NF1: variants seen among roughly 807,000 people sequenced by gnomAD.
The protein encoded by NF1 is neurofibromin 1.
In NF1, 122 loss-of-function variants were observed where a neutral mutation model predicts 325.7. That is an observed-to-expected ratio of 0.37 (90% CI 0.32 to 0.44). The LOEUF (loss-of-function observed/expected upper bound fraction) is 0.44. NF1 is among the 20% of genes least tolerant of loss of function. The probability of loss-of-function intolerance (pLI) is 1.00; values close to 1 mark genes in which losing one functional copy is unlikely to be tolerated. For missense variants in NF1, 2,140 were observed against 3,415.4 expected (o/e 0.63, Z 9.31); for synonymous variants, 1,091 against 1,186.0 (o/e 0.92, Z 1.65).
At chr17:31,111,819 C>T (rs769066449) in intron 1 of NF1, among the ~76,000 whole-genome samples, 13 of 152,116 alleles carry the variant, frequency 8.5e-5, no homozygotes, top group Non-Finnish European at 1.3e-4. Flanking sequence ...TAATGAAGAG[C>T]ACACACTCGG....
chr17:31,300,348 AT>A (rs751307249), intron 36 of NF1, among the ~76,000 whole-genome samples: 4 of 152,130 alleles, frequency 2.6e-5, no homozygotes, highest in Non-Finnish European at 4.4e-5. Flanking sequence ...CCTAAAAAAA[AT>A]GTAAGCATAT....
intron 57 of NF1, chr17:31,367,368 C>A: frequency 1.2e-6 from 1 of 840,338 alleles, no homozygotes. Flanking sequence ...CTCACCGGTC[C>A]CTGTAAGCTC....
intron 1 of NF1, among the ~76,000 whole-genome samples, chr17:31,115,012 C>G (rs1597576447): frequency 6.6e-6 from 1 of 152,150 alleles, no homozygotes; most frequent in East Asian, 1.9e-4. Context: ...CTCTTTGTCC[C>G]CATTATGTAG....
At chr17:31,349,010 A>G in intron 48 of NF1, 110 bp from the exon 49 acceptor site, 3 of 1,368,784 alleles carry the variant, frequency 2.2e-6, no homozygotes, top group African/African-American at 1.4e-5. Context: ...AGTAGGAGTT[A>G]TATTTCCTTT....
intron 30 of NF1, chr17:31,252,347 G>GA (rs2067508682): frequency 5.0e-6 from 1 of 202,006 alleles, no homozygotes; most frequent in Non-Finnish European, 1.0e-5. Flanking sequence ...TGCAAACATT[G>GA]AAAAATATGT....
rs147182968 is a variant in NF1 at position 31,183,926 on chromosome 17, A to G, written c.888+1261A>G. ...TTGCCTCTTAGCCTGCAGACGGCCT[A>G]TTGTGGGACCTTGTGATCGTGCTAG... On this transcript the variant is annotated intron_variant, in intron 8 of 57. Transcript: ENST00000358273. Among the ~76,000 whole-genome samples the G allele has an allele frequency of 1.7e-3, 262 of 152,282 alleles. 2 individuals are homozygous for G. Among genetic ancestry groups the G allele is most frequent in the Middle Eastern group, 6.8e-3 (2 of 294 alleles).
intron 8 of NF1, among the ~76,000 whole-genome samples, chr17:31,185,439 C>T (rs550318192): frequency 4.6e-5 from 7 of 152,274 alleles, no homozygotes; most frequent in African/African-American, 1.2e-4. Context: ...AAGTAGCAAA[C>T]GCACTGGACT....
intron 35 of NF1, among the ~76,000 whole-genome samples, chr17:31,263,355 G>A (rs2067728457): frequency 6.6e-6 from 1 of 152,022 alleles, no homozygotes. Flanking sequence ...TGGGAGGATT[G>A]CTTGAGGATG....
At chr17:31,300,740 G>A (rs1450728688) in intron 36 of NF1, among the ~76,000 whole-genome samples, 1 of 152,054 alleles carries the variant, frequency 6.6e-6, no homozygotes, top group Non-Finnish European at 1.5e-5. Context: ...CCTCTCCATT[G>A]ATTATACCAT....
chr17:31,291,214 A>C (rs1432876305), intron 36 of NF1, among the ~76,000 whole-genome samples: 1 of 152,148 alleles, frequency 6.6e-6, no homozygotes, highest in East Asian at 1.9e-4. Flanking sequence ...TCTGTACCTT[A>C]GTGTTTGATA....
chr17:31,276,129 A>C (rs1253096257), intron 36 of NF1, among the ~76,000 whole-genome samples: 1 of 146,020 alleles, frequency 6.8e-6, no homozygotes, highest in Admixed American at 7.2e-5. Flanking sequence ...GCATCGCTTG[A>C]ATCCAGGAGG....
At chr17:31,302,823 C>T (rs566368685) in intron 36 of NF1, among the ~76,000 whole-genome samples, 4 of 152,094 alleles carry the variant, frequency 2.6e-5, no homozygotes, top group East Asian at 3.9e-4. Flanking sequence ...CCAGCGTGGG[C>T]GACAGAGTGA....
intron 8 of NF1, among the ~76,000 whole-genome samples, chr17:31,197,650 T>G (rs1272606391): frequency 6.6e-6 from 1 of 152,162 alleles, no homozygotes; most frequent in Non-Finnish European, 1.5e-5. Context: ...GTGTGCTGAT[T>G]TTGTATTCTG....
At chr17:31,312,183 T>C (rs1444444041) in intron 36 of NF1, among the ~76,000 whole-genome samples, 2 of 152,036 alleles carry the variant, frequency 1.3e-5, no homozygotes, top group African/African-American at 4.8e-5. Context: ...CAGGCACTAC[T>C]AGTAAACTTT....
At chr17:31,127,572 A>G (rs1914990596) in intron 1 of NF1, among the ~76,000 whole-genome samples, 1 of 151,546 alleles carries the variant, frequency 6.6e-6, no homozygotes, top group Non-Finnish European at 1.5e-5. Context: ...AAATGAAATT[A>G]ACTTATATTT....
chr17:31,243,184 C>CTGTGTGTGTGTTTGTGTGTGTG (rs2067331663), intron 29 of NF1, among the ~76,000 whole-genome samples: 1 of 137,476 alleles, frequency 7.3e-6, no homozygotes, highest in Non-Finnish European at 1.5e-5. Context: ...CTCTCTCTGT[C>CTGTGTGTGTGTTTGTGTGTGTG]TGTGTGTGTG....
chr17:31,220,094 C>T (rs2066896162), intron 14 of NF1, among the ~76,000 whole-genome samples: 1 of 152,090 alleles, frequency 6.6e-6, no homozygotes, highest in South Asian at 2.1e-4. Context: ...GTAACTCTGT[C>T]GAACTTTTGA....
At chr17:31,252,659 A>G in intron 30 of NF1, 2 of 400,062 alleles carry the variant, frequency 5.0e-6, no homozygotes, top group South Asian at 4.6e-5. Context: ...AATATCCTCA[A>G]ATTCACTTGG....
intron 8 of NF1, among the ~76,000 whole-genome samples, chr17:31,188,002 A>G (rs925896343): frequency 7.2e-5 from 11 of 152,226 alleles, no homozygotes; most frequent in African/African-American, 2.7e-4. Flanking sequence ...AAGAGTATGC[A>G]TGGAGATCCA....
Sources: allele counts gnomAD v4.1 joint callset (sites outside exome capture counted in the v4.1 genomes callset), GRCh38; gene constraint gnomAD v4.1.1; transcripts MANE v1.5; gene names NCBI Gene and HGNC (gene_info 2026-07-23, HGNC 2026-07-21).